Variants in ENTHD1 observed in about 807,000 individuals in gnomAD.
The protein encoded by ENTHD1 is ENTH domain containing 1.
ENTHD1 carries 23 observed loss-of-function variants against 39.1 expected under a neutral mutation model. That is an observed-to-expected ratio of 0.59 (90% CI 0.42 to 0.83). The LOEUF is 0.83. Ranked by LOEUF, ENTHD1 falls within the 40% of genes least tolerant of loss-of-function variation. The probability of loss-of-function intolerance (pLI) is 0.00; values close to 1 mark genes in which losing one functional copy is unlikely to be tolerated. For synonymous variants in ENTHD1, 230 were observed against 258.2 expected (o/e 0.89, Z 1.05); for missense variants, 624 against 705.4 (o/e 0.88, Z 1.31).
intron 4 of ENTHD1, among the ~76,000 whole-genome samples, chr22:39,825,058 A>T (rs1377565075): frequency 2.6e-5 from 4 of 152,204 alleles, no homozygotes; most frequent in Non-Finnish European, 5.9e-5. Context: ...ATGTAACATG[A>T]TAGGTCTCTA....
At chr22:39,773,117 C>CAAAAAAAA (rs57398699) in intron 5 of ENTHD1, among the ~76,000 whole-genome samples, 16 of 36,138 alleles carry the variant, frequency 4.4e-4, no homozygotes, top group Non-Finnish European at 5.1e-4. Flanking sequence ...GACCTCATCT[C>CAAAAAAAA]AAAAAAAAAA....
chr22:39,779,133 A>G (rs2065387915), intron 5 of ENTHD1, among the ~76,000 whole-genome samples: 1 of 152,280 alleles, frequency 6.6e-6, no homozygotes, highest in South Asian at 2.1e-4. Context: ...CCTGGCCAAC[A>G]TGGTGAAACC....
At chr22:39,883,244 T>C (rs1451006123) in intron 2 of ENTHD1, among the ~76,000 whole-genome samples, 2 of 152,042 alleles carry the variant, frequency 1.3e-5, no homozygotes, top group African/African-American at 4.8e-5. Flanking sequence ...TCATAAATCA[T>C]CAAGAGTACT....
At chr22:39,790,213 T>C (rs200016236) in intron 5 of ENTHD1, among the ~76,000 whole-genome samples, 1 of 152,300 alleles carries the variant, frequency 6.6e-6, no homozygotes, top group East Asian at 1.9e-4. Flanking sequence ...TTCTTTTTCA[T>C]AAAATCACTT....
chr22:39,781,020 A>G (rs2065405945), intron 5 of ENTHD1, among the ~76,000 whole-genome samples: 3 of 151,820 alleles, frequency 2.0e-5, no homozygotes, highest in South Asian at 4.1e-4. Context: ...AGCAAACAGT[A>G]GATCTAAAAG....
At chr22:39,831,903 A>G (rs2065872109) in intron 4 of ENTHD1, among the ~76,000 whole-genome samples, 1 of 152,256 alleles carries the variant, frequency 6.6e-6, no homozygotes, top group Non-Finnish European at 1.5e-5. Context: ...GATAATGAAA[A>G]GGATAACATT....
chr22:39,819,657 G>T (rs2065764591), intron 5 of ENTHD1, among the ~76,000 whole-genome samples: 1 of 152,068 alleles, frequency 6.6e-6, no homozygotes, highest in Non-Finnish European at 1.5e-5. Flanking sequence ...ATACTATAAT[G>T]GTGGATACAC....
rs188939407 is a variant in ENTHD1, at chr22:39,790,181, C to T, written c.833-24572G>A. ...GAGAAGTCCCTGGGAGGTGCTTAAG[C>T]AAAGGAATGGCATGGTATGTCTTCT... is the stretch of plus-strand genomic sequence containing the variant. On this transcript the variant is annotated intron_variant, in intron 5 of 6. Coordinates refer to ENST00000325157, the MANE Select transcript of ENTHD1 (RefSeq NM_152512.4). 3.7e-3 allele frequency among the ~76,000 whole-genome samples: 569 copies of T among 152,236 alleles called. 6 individuals carry two copies. Among genetic ancestry groups the T allele is most frequent in the African/African-American group, 0.012 (502 of 41,538 alleles).
chr22:39,826,960 A>C (rs183587239), intron 4 of ENTHD1, among the ~76,000 whole-genome samples: 1 of 151,276 alleles, frequency 6.6e-6, no homozygotes, highest in South Asian at 2.1e-4. Context: ...CTGTCCTGCC[A>C]CTTCAGCCTC....
chr22:39,840,478 A>G (rs1468682280), intron 3 of ENTHD1, among the ~76,000 whole-genome samples: 4 of 152,250 alleles, frequency 2.6e-5, no homozygotes, highest in African/African-American at 7.2e-5. Flanking sequence ...GCAACGCTCC[A>G]TAAGTTGAAC....
Position 39,873,160 on chromosome 22 carries a change from G to A in ENTHD1, c.350-11153C>T, listed in dbSNP as rs566937468. On this transcript the variant is annotated intron_variant, in intron 2 of 6. Transcript: ENST00000325157. ...TTGAAATCTGTCTCTTTAAAATGTG[G>A]CCCTGTTTTTAAAATTATACCTTTA... 6.5e-4 allele frequency among the ~76,000 whole-genome samples: 99 copies of A among 151,738 alleles called. 1 individual carries two copies. In the South Asian group the frequency reaches 0.013, roughly 20 times the overall value.
rs2066028763 is a variant in ENTHD1 at position 39,850,721 on chromosome 22, C to T, written c.592+11044G>A. Among the ~76,000 whole-genome samples the T allele has an allele frequency of 2.6e-5, 4 of 152,052 alleles. 1 individual carries two copies. In the South Asian group the frequency reaches 8.3e-4, roughly 32 times the overall value. Reference sequence around the variant, plus strand: ...AGTTTATTCTTGAAAGTTTATCATGCACGTTTACCTTTAAAAGTTTACAGT... The same window carrying T: ...AGTTTATTCTTGAAAGTTTATCATGTACGTTTACCTTTAAAAGTTTACAGT... On this transcript the variant is annotated intron_variant, in intron 3 of 6. Coordinates refer to ENST00000325157, the MANE Select transcript of ENTHD1 (RefSeq NM_152512.4).
chr22:39,838,754 C>G (rs927425037), intron 3 of ENTHD1, among the ~76,000 whole-genome samples: 2 of 151,898 alleles, frequency 1.3e-5, no homozygotes, highest in Non-Finnish European at 2.9e-5. Context: ...AATATTAAAA[C>G]CTTTGGTCAG....
At chr22:39,889,870 G>T (rs1337357777) in intron 1 of ENTHD1, among the ~76,000 whole-genome samples, 3 of 152,012 alleles carry the variant, frequency 2.0e-5, no homozygotes, top group African/African-American at 7.3e-5. Context: ...GCTGCCGCGG[G>T]CAGATCACCT....
chr22:39,815,991 C>G (rs1369361783), intron 5 of ENTHD1, among the ~76,000 whole-genome samples: 3 of 152,082 alleles, frequency 2.0e-5, no homozygotes, highest in African/African-American at 7.2e-5. Context: ...AGAGGTTCCT[C>G]TGGAGGTGAG....
rs1288987737 is a variant in ENTHD1, at chr22:39,744,052, T to C, written c.1451A>G (p.Glu484Gly). 6.2e-7 allele frequency: 1 copy of C among 1,614,084 alleles called. No individual in the cohort carries two copies. Among genetic ancestry groups the C allele is most frequent in the African/African-American group, 1.3e-5 (1 of 74,954 alleles). Residue 484 changes from glutamate to glycine, a missense_variant, in exon 7 of 7, where the codon GAA becomes GGA. Transcript: ENST00000325157. ...SRGPVSSDVE[E>G]NDSLNLLGIL... is the part of the protein sequence containing the mutation. ...TCCCAGTAGATTGAGGCTATCATTT[T>C]CCTCTACATCAGAAGACACTGGGCC...
intron 5 of ENTHD1, among the ~76,000 whole-genome samples, chr22:39,792,726 T>C (rs1194030059): frequency 1.3e-5 from 2 of 152,164 alleles, no homozygotes; most frequent in African/African-American, 4.8e-5. Context: ...ACTGGCTCTA[T>C]CTGGGCAGCA....
At chr22:39,770,910 T>G (rs2065316490) in intron 5 of ENTHD1, among the ~76,000 whole-genome samples, 1 of 152,166 alleles carries the variant, frequency 6.6e-6, no homozygotes, top group Non-Finnish European at 1.5e-5. Context: ...TTTTTCAGAC[T>G]TTGGAATATT....
At chr22:39,749,120 T>C (rs1011685587) in intron 6 of ENTHD1, among the ~76,000 whole-genome samples, 4 of 152,196 alleles carry the variant, frequency 2.6e-5, no homozygotes, top group African/African-American at 4.8e-5. Context: ...TCATCTATAA[T>C]TGCCGCATAC....
Sources: gnomAD v4.1 joint callset for allele counts (sites outside exome capture counted in the v4.1 genomes callset) on GRCh38, gnomAD v4.1.1 for gene constraint, MANE v1.5 for transcripts, NCBI Gene and HGNC (gene_info 2026-07-23, HGNC 2026-07-21) for gene names.